Variants in NUDT5 observed in about 807,000 individuals in gnomAD.
The protein encoded by NUDT5 is ADP-sugar pyrophosphatase.
NUDT5 carries 21 observed loss-of-function variants against 34.1 expected under a neutral mutation model. That is an observed-to-expected ratio of 0.62 (90% CI 0.44 to 0.89). The LOEUF (loss-of-function observed/expected upper bound fraction) is 0.89. Among genes scored for constraint, NUDT5 ranks in the 40% least tolerant of loss-of-function variants. The pLI, the probability that NUDT5 is intolerant of heterozygous loss-of-function variation, is 0.00. For synonymous variants in NUDT5, 85 were observed against 97.6 expected (o/e 0.87, Z 0.76); for missense variants, 249 against 274.8 (o/e 0.91, Z 0.66).
intron 4 of NUDT5, 126 bp from the exon 5 acceptor site, chr10:12,178,026 A>G: frequency 1.7e-6 from 1 of 597,492 alleles, no homozygotes; most frequent in Non-Finnish European, 3.0e-6. Context: ...CAATACTGGC[A>G]GTTAATATTG....
At position 12,167,177 on chromosome 10, in the gene NUDT5, G is replaced by A. The variant is rs926011031; in HGVS notation, c.*525C>T. 26 of 158,686 alleles carry A rather than the reference G, an allele frequency of 1.6e-4. No individual in the cohort carries two copies. Among genetic ancestry groups the A allele is most frequent in the South Asian group, 1.8e-4 (1 of 5,678 alleles). The allele number at this position is 158,686 out of a possible 1,614,324, so 9.8% of individuals were successfully genotyped here. ...CTGAAAACTAGTAGAGGATTCTATC[G>A]AACCCTACCCTAGTTGGATTCAACT... On this transcript the variant is annotated 3_prime_UTR_variant, in exon 10 of 10. Transcript: ENST00000491614.
At position 12,167,613 on chromosome 10, in the gene NUDT5, A is replaced by C; in HGVS notation, c.*89T>G. On this transcript the variant is annotated 3_prime_UTR_variant, in exon 10 of 10. Coordinates refer to ENST00000491614, the MANE Select transcript of NUDT5 (RefSeq NM_014142.4). ...TTATTTTACGAAAAAGCTAATGGCAAATCTACATTAAACTAAGTTGAATAC... is the reference window on the plus strand; with the variant it reads ...TTATTTTACGAAAAAGCTAATGGCACATCTACATTAAACTAAGTTGAATAC... 7.8e-7 allele frequency: 1 copy of C among 1,282,568 alleles called. No individual in the cohort carries two copies. The highest frequency in any genetic ancestry group is 1.1e-6 in the Non-Finnish European group (1 of 900,808). 79.4% of individuals were successfully genotyped at this position (1,282,568 alleles called of 1,614,324 possible). A position where few individuals can be genotyped will look rare whatever the true frequency, so the allele number is the denominator to read the frequency against.
In NUDT5 at chr10:12,169,530, T is replaced by C; in HGVS notation, c.550+1187A>G. The C allele has an allele frequency of 4.0e-6, 2 of 493,976 alleles. No individual in the cohort carries two copies. Among genetic ancestry groups the C allele is most frequent in the Admixed American group, 3.7e-5 (1 of 26,902 alleles). The allele number at this position is 493,976 out of a possible 1,614,324, so 30.6% of individuals were successfully genotyped here. ...TGACTCCGAGCTGCGCTGCCTCGTA[T>C]TGATTGTCATGCCTTTCTCCAAATA... On this transcript the variant is annotated intron_variant, in intron 9 of 9. Coordinates refer to ENST00000491614, the MANE Select transcript of NUDT5 (RefSeq NM_014142.4). The surrounding 1 kb of genome is among the most constrained non-coding windows in gnomAD (Gnocchi z 4.8).
chr10:12,172,716 G>A, intron 7 of NUDT5, 49 bp downstream of exon 7: 1 of 1,277,694 alleles, frequency 7.8e-7, no homozygotes, highest in Non-Finnish European at 1.1e-6. Context: ...CAAGTTCCAA[G>A]ACACGTAATG....
Position 12,166,460 on chromosome 10 carries a change from A to G in NUDT5, c.*1242T>C. 4.2e-6 allele frequency: 1 copy of G among 236,982 alleles called. No individual in the cohort carries two copies. The highest frequency in any genetic ancestry group is 2.3e-5 in the African/African-American group (1 of 44,228). 14.7% of individuals were successfully genotyped at this position (236,982 alleles called of 1,614,324 possible). On this transcript the variant is annotated 3_prime_UTR_variant, in exon 10 of 10. Transcript: ENST00000491614. Reference sequence around the variant, plus strand: ...CATCTGTAAAGTTCTGTATTTCCATAATTGTTTTATCTTTAGGAAGTCCAG... The same window carrying G: ...CATCTGTAAAGTTCTGTATTTCCATGATTGTTTTATCTTTAGGAAGTCCAG...
intron 5 of NUDT5, among the ~76,000 whole-genome samples, chr10:12,174,428 G>A (rs1473774005): frequency 4.0e-5 from 6 of 151,850 alleles, no homozygotes; most frequent in South Asian, 2.1e-4. Flanking sequence ...CACCATGCTC[G>A]GCTAATTTTT....
In NUDT5 at chr10:12,187,851, GTTTCT is replaced by G. The variant is rs1425158993; in HGVS notation, c.-41-1524_-41-1520del. ...TTTCCTCCCCTGTGTTTTCTCTGTT[GTTTCT>G]TTTAAGAACTGTTACTTGGACCAGG... On this transcript the variant is annotated intron_variant, in intron 1 of 9. Transcript: ENST00000491614. This position sits in a 1 kb window ranked among gnomAD's most constrained non-coding sequence, Gnocchi z 5.4. 6.6e-6 allele frequency among the ~76,000 whole-genome samples: 1 copy of G among 152,044 alleles called. No homozygotes were observed. Among genetic ancestry groups the G allele is most frequent in the Non-Finnish European group, 1.5e-5 (1 of 68,006 alleles).
At chr10:12,178,481 A>ATT in intron 4 of NUDT5, among the ~76,000 whole-genome samples, 1 of 152,350 alleles carries the variant, frequency 6.6e-6, no homozygotes, top group South Asian at 2.1e-4. Context: ...CTATCTGTGA[A>ATT]GCCAGCAGCA....
chr10:12,177,262 G>A (rs1193930407), intron 5 of NUDT5, among the ~76,000 whole-genome samples: 1 of 152,196 alleles, frequency 6.6e-6, no homozygotes, highest in Non-Finnish European at 1.5e-5. Context: ...GCTCACGCCT[G>A]TAATCCCAGC....
intron 3 of NUDT5, among the ~76,000 whole-genome samples, chr10:12,183,153 T>C (rs986651935): frequency 1.3e-5 from 2 of 152,260 alleles, no homozygotes; most frequent in Non-Finnish European, 2.9e-5. Flanking sequence ...AACCTCTCTA[T>C]AGTTTCACAA....
At position 12,187,599 on chromosome 10, in the gene NUDT5, G is replaced by A. The variant is rs1168389554; in HGVS notation, c.-41-1267C>T. ...AGCCAGTTGTCTATGAAACTGTAAG[G>A]CATTGCTTAGTTGTCTTACTTCTGG... On this transcript the variant is annotated intron_variant, in intron 1 of 9. Transcript: ENST00000491614. This position sits in a 1 kb window ranked among gnomAD's most constrained non-coding sequence, Gnocchi z 5.4. Among the ~76,000 whole-genome samples, 1 of 152,156 alleles carries A rather than the reference G, an allele frequency of 6.6e-6. No individual in the cohort carries two copies. The highest frequency in any genetic ancestry group is 2.1e-4 in the South Asian group (1 of 4,826).
rs1834714788 is a variant in NUDT5, at chr10:12,166,990, C to G, written c.*712G>C. 1.4e-5 allele frequency: 3 copies of G among 216,526 alleles called. No individual in the cohort carries two copies. The highest frequency in any genetic ancestry group is 9.6e-6 in the Non-Finnish European group (1 of 103,908). The allele number at this position is 216,526 out of a possible 1,614,324, so 13.4% of individuals were successfully genotyped here. ...CTTACAGATTTGTTTTCAGAAACTT[C>G]AAGTACTCTTTGAGGTAAGAATAGG... On this transcript the variant is annotated 3_prime_UTR_variant, in exon 10 of 10. Transcript: ENST00000491614.
chr10:12,172,576 G>GA (rs1238921029), intron 7 of NUDT5, 189 bp downstream of exon 7: 1 of 597,044 alleles, frequency 1.7e-6, no homozygotes, highest in Admixed American at 3.0e-5. Flanking sequence ...GCGTAAAGAT[G>GA]AATGAAGTGG....
In NUDT5 at chr10:12,168,026, G is replaced by GT; in HGVS notation, c.551-216_551-215insA. 2 of 861,200 alleles carry GT rather than the reference G, an allele frequency of 2.3e-6. No individual in the cohort carries two copies. The highest frequency in any genetic ancestry group is 3.1e-6 in the Non-Finnish European group (2 of 649,288). The allele number at this position is 861,200 out of a possible 1,614,324, so 53.3% of individuals were successfully genotyped here. A position where few individuals can be genotyped will look rare whatever the true frequency, so the allele number is the denominator to read the frequency against. ...ATGAGACAAGAACATCAGGGATAAT[G>GT]ATTTTTTTTTTTTTTGGTGAGACAG... On this transcript the variant is annotated intron_variant, in intron 9 of 9. Transcript: ENST00000491614. The surrounding 1 kb of genome is among the most constrained non-coding windows in gnomAD (Gnocchi z 4.8).
Position 12,171,234 on chromosome 10 carries a change from A to G in NUDT5, c.488-326T>C, listed in dbSNP as rs1273702661. On this transcript the variant is annotated intron_variant, in intron 7 of 9. Coordinates refer to ENST00000491614, the MANE Select transcript of NUDT5 (RefSeq NM_014142.4). This position sits in a 1 kb window ranked among gnomAD's most constrained non-coding sequence, Gnocchi z 4.2. Reference sequence around the variant, plus strand: ...ATTCAGTAGCATTAAATAACATTCAAAAAGGTGCACAACCACCACCAGTAT... The same window carrying G: ...ATTCAGTAGCATTAAATAACATTCAGAAAGGTGCACAACCACCACCAGTAT... Among the ~76,000 whole-genome samples the G allele has an allele frequency of 1.3e-5, 2 of 152,196 alleles. No homozygotes were observed. Among genetic ancestry groups the G allele is most frequent in the Non-Finnish European group, 2.9e-5 (2 of 68,038 alleles).
intron 5 of NUDT5, among the ~76,000 whole-genome samples, chr10:12,174,888 G>C (rs551254707): frequency 1.3e-5 from 2 of 150,752 alleles, no homozygotes; most frequent in Non-Finnish European, 2.9e-5. Flanking sequence ...AAAACACCGA[G>C]GCCTGGGAAT....
At position 12,177,898 on chromosome 10, in the gene NUDT5, C is replaced by A. The variant is rs1291964299; in HGVS notation, c.184G>T (p.Val62Phe). The change falls in exon 5 of 10, where the codon GTC becomes TTC. Residue 62 changes from valine to phenylalanine, a missense_variant and splice_region_variant. Coordinates refer to ENST00000491614, the MANE Select transcript of NUDT5 (RefSeq NM_014142.4). The stretch of plus-strand genomic sequence containing the variant: ...CTCTGCAGCACGGGGATGACCGCGA[C>A]ACCTGTCACCAGGAAATGGAACCAA... ...TTRKEQTADG[V>F]AVIPVLQRTL... 3 of 1,612,966 alleles carry A rather than the reference C, an allele frequency of 1.9e-6. No homozygotes were observed. The highest frequency in any genetic ancestry group is 2.2e-5 in the South Asian group (2 of 91,000).
Position 12,171,199 on chromosome 10 carries a change from T to A in NUDT5, c.488-291A>T, listed in dbSNP as rs1047934096. On this transcript the variant is annotated intron_variant, in intron 7 of 9. Transcript: ENST00000491614. This position sits in a 1 kb window ranked among gnomAD's most constrained non-coding sequence, Gnocchi z 4.2. The stretch of plus-strand genomic sequence containing the variant: ...ATAAAAACTTACCTTTTAACCACTA[T>A]GAAGGTACAATTCAGTAGCATTAAA... 6.6e-6 allele frequency among the ~76,000 whole-genome samples: 1 copy of A among 152,178 alleles called. No individual in the cohort carries two copies. The highest frequency in any genetic ancestry group is 2.4e-5 in the African/African-American group (1 of 41,432).
In NUDT5 at chr10:12,186,228, C is replaced by G. The variant is rs913234985; in HGVS notation, c.63+1G>C. The G allele has an allele frequency of 6.2e-7, 1 of 1,610,292 alleles. No individual in the cohort carries two copies. Among genetic ancestry groups the G allele is most frequent in the African/African-American group, 1.3e-5 (1 of 74,876 alleles). On this transcript the variant is annotated splice_donor_variant, in intron 2 of 9. Transcript: ENST00000491614. LOFTEE classifies it high-confidence loss of function. ...AAGGGAAAGTGAAAAACAAGTTATA[C>G]CTCCTCTGAAATGATATACTGTTTG...
Sources: gnomAD v4.1 joint callset for allele counts (sites outside exome capture counted in the v4.1 genomes callset) on GRCh38, gnomAD v4.1.1 for gene constraint, Gnocchi (gnomAD v3.1) non-coding constraint, MANE v1.5 for transcripts, NCBI Gene and HGNC (gene_info 2026-07-23, HGNC 2026-07-21) for gene names.